The following IMPG1 variants were observed in gnomAD, a reference collection of about 807,000 sequenced individuals.
The protein encoded by IMPG1 is interphotoreceptor matrix proteoglycan of 150 kDa.
In IMPG1, 85 loss-of-function variants were observed where a neutral mutation model predicts 92.0. The observed-to-expected ratio is 0.92, with a 90% CI of 0.78 to 1.11. IMPG1 has a LOEUF of 1.11. Among genes scored for constraint, IMPG1 ranks in the 50% least tolerant of loss-of-function variants. The pLI is 0.00. For missense variants in IMPG1, 1,022 were observed against 956.0 expected, an observed-to-expected ratio of 1.07 and a Z score of -0.91; for synonymous variants, 367 against 334.1, an observed-to-expected ratio of 1.10 and a Z score of -1.08.
chr6:75,975,235 T>G (rs867469116), intron 12 of IMPG1, among the ~76,000 whole-genome samples: 1 of 152,246 alleles, frequency 6.6e-6, no homozygotes, highest in East Asian at 1.9e-4. Context: ...CACTGGCATG[T>G]GCCAGGCTTC....
At chr6:76,022,246 A>T (rs1168700480) in intron 5 of IMPG1, 27 bp from the exon 6 acceptor site, 1 of 1,328,736 alleles carries the variant, frequency 7.5e-7, no homozygotes, top group African/African-American at 1.5e-5. Flanking sequence ...AATTAAAGAC[A>T]CAAAAATGAG....
intron 12 of IMPG1, among the ~76,000 whole-genome samples, chr6:75,979,624 GGA>G (rs1782596078): frequency 6.6e-6 from 1 of 152,166 alleles, no homozygotes; most frequent in African/African-American, 2.4e-5. Flanking sequence ...GTTTGGTTAG[GGA>G]GAGTCCAGAA....
chr6:76,071,613 T>C (rs1784404264), intron 1 of IMPG1, among the ~76,000 whole-genome samples: 1 of 152,014 alleles, frequency 6.6e-6, no homozygotes, highest in East Asian at 1.9e-4. Context: ...TTTTCATGGA[T>C]ATTCCAAACC....
intron 14 of IMPG1, among the ~76,000 whole-genome samples, chr6:75,936,683 G>A (rs182541459): frequency 2.8e-4 from 43 of 152,308 alleles, no homozygotes; most frequent in African/African-American, 9.1e-4. Flanking sequence ...TGCCCTGGAT[G>A]TGAGGTTGAA....
chr6:76,051,829 G>T (rs1784048238), intron 1 of IMPG1, among the ~76,000 whole-genome samples: 1 of 151,910 alleles, frequency 6.6e-6, no homozygotes, highest in African/African-American at 2.4e-5. Context: ...TTCTCTTCTT[G>T]CAAAAATCAG....
intron 5 of IMPG1, among the ~76,000 whole-genome samples, chr6:76,023,963 T>C (rs1157687370): frequency 1.3e-5 from 2 of 152,160 alleles, no homozygotes; most frequent in African/African-American, 2.4e-5. Context: ...GTTTATATGC[T>C]CCTCCTCTAA....
At chr6:75,998,889 C>T (rs1041085095) in intron 12 of IMPG1, among the ~76,000 whole-genome samples, 12 of 152,202 alleles carry the variant, frequency 7.9e-5, no homozygotes, top group African/African-American at 2.9e-4. Context: ...TGGAGTCTTG[C>T]TCTGTCACCC....
chr6:76,069,145 G>C (rs763413983), intron 1 of IMPG1, among the ~76,000 whole-genome samples: 19 of 152,042 alleles, frequency 1.2e-4, no homozygotes, highest in Non-Finnish European at 2.1e-4. Flanking sequence ...TTCAATAAAT[G>C]GTACTGGGAA....
At chr6:76,054,812 A>G (rs1784093927) in intron 1 of IMPG1, among the ~76,000 whole-genome samples, 1 of 151,724 alleles carries the variant, frequency 6.6e-6, no homozygotes, top group Non-Finnish European at 1.5e-5. Flanking sequence ...ACCAGTGGAC[A>G]AAGTTCATTA....
chr6:76,048,234 C>G (rs1233633818), intron 1 of IMPG1, among the ~76,000 whole-genome samples: 1 of 152,178 alleles, frequency 6.6e-6, no homozygotes, highest in Non-Finnish European at 1.5e-5. Flanking sequence ...CATTAGAACA[C>G]ACTTTAAATT....
At chr6:76,040,103 T>G (rs1783808860) in intron 2 of IMPG1, among the ~76,000 whole-genome samples, 1 of 152,166 alleles carries the variant, frequency 6.6e-6, no homozygotes, top group Non-Finnish European at 1.5e-5. Context: ...AAGAAACCCA[T>G]GCTGATGAAT....
chr6:76,014,694 T>A lies in IMPG1; in HGVS notation c.808-3470A>T, dbSNP rs201448250. Among the ~76,000 whole-genome samples the A allele has an allele frequency of 2.6e-5, 4 of 152,318 alleles. No individual in the cohort carries two copies. In the East Asian group the frequency reaches 5.8e-4, roughly 22 times the overall value. The stretch of plus-strand genomic sequence containing the variant: ...CTCCAGGATACCAGAGATGCTGTTA[T>A]ATACATGAAAACAGTCAATCGACCC... On this transcript the variant is annotated intron_variant, in intron 7 of 16. Transcript: ENST00000369950.
At chr6:76,060,428 C>T (rs1784187029) in intron 1 of IMPG1, among the ~76,000 whole-genome samples, 1 of 152,158 alleles carries the variant, frequency 6.6e-6, no homozygotes, top group Non-Finnish European at 1.5e-5. Flanking sequence ...AGCAGCATTT[C>T]CATATATGAA....
chr6:75,931,085 C>T lies in IMPG1; in HGVS notation c.2111G>A (p.Arg704Gln), dbSNP rs528749231. 1.0e-4 allele frequency: 165 copies of T among 1,614,176 alleles called. 1 individual carries two copies. Among genetic ancestry groups the T allele is most frequent in the South Asian group, 1.0e-3 (91 of 91,088 alleles). ...GCAGCGACACTCCGCTTCCTCAGTCCGTTCGTTCTTTACACATTGGGCAAA... is the reference window on the plus strand; with the variant it reads ...GCAGCGACACTCCGCTTCCTCAGTCTGTTCGTTCTTTACACATTGGGCAAA... ...GEFAQCVKNE[R>Q]TEEAECRCKP... The change falls in exon 15 of 17, where the codon CGG becomes CAG. Residue 704 changes from arginine (R) to glutamine (Q), a missense_variant. Arg to Gln is a conservative substitution (Grantham distance 43). Transcript: ENST00000369950.
intron 4 of IMPG1, among the ~76,000 whole-genome samples, chr6:76,026,335 G>C (rs1200977731): frequency 2.0e-5 from 3 of 152,242 alleles, no homozygotes; most frequent in African/African-American, 7.2e-5. Context: ...GAAGTGGTGA[G>C]TGAAATGGGG....
In IMPG1 at chr6:75,965,240, C is replaced by T. The variant is rs78604471; in HGVS notation, c.1292-14146G>A. On this transcript the variant is annotated intron_variant, in intron 12 of 16. Transcript: ENST00000369950. Reference sequence around the variant, plus strand: ...AGAATGAAATAGCTTGCATGGTAGCCGTATGTTAAATTTCTGGAGAAATTA... The same window carrying T: ...AGAATGAAATAGCTTGCATGGTAGCTGTATGTTAAATTTCTGGAGAAATTA... Among the ~76,000 whole-genome samples the T allele has an allele frequency of 1.4e-4, 22 of 152,066 alleles. No homozygotes were observed. The East Asian group carries it at 1.5e-3, about 11-fold the overall frequency.
chr6:75,927,660 C>T (rs1781579813), intron 15 of IMPG1, among the ~76,000 whole-genome samples: 1 of 151,966 alleles, frequency 6.6e-6, no homozygotes, highest in African/African-American at 2.4e-5. Flanking sequence ...TTGAAAAGGG[C>T]AAAATTGGGG....
At position 75,986,745 on chromosome 6, in the gene IMPG1, GA is replaced by G. The variant is rs146213880; in HGVS notation, c.1291+16172del. Among the ~76,000 whole-genome samples, 947 of 146,510 alleles carry G rather than the reference GA, an allele frequency of 6.5e-3. 34 individuals are homozygous for G. The East Asian group carries it at 0.099, about 15-fold the overall frequency. ...GAAAGCAGAATATGTTAACAATGAGGAAAAAAAAAATGAGACTCCCTAGGGG... is the reference window on the plus strand; with the variant it reads ...GAAAGCAGAATATGTTAACAATGAGGAAAAAAAAATGAGACTCCCTAGGGG... On this transcript the variant is annotated intron_variant, in intron 12 of 16. Transcript: ENST00000369950.
rs138431617 is a variant in IMPG1 at position 76,002,981 on chromosome 6, G to A, written c.1228C>T (p.Pro410Ser). Residue 410 changes from proline to serine, a missense_variant, in exon 12 of 17, where the codon CCA becomes TCA. Pro to Ser is a moderately conservative substitution (Grantham distance 74). This residue lies in a region of IMPG1 where 681 missense variants were observed against 583.6 expected (regional missense o/e 1.17). Transcript: ENST00000369950. ...AVITEDATLS[P>S]ELPPVEPQLE... ...TGGGGTTCAACAGGAGGAAGTTCTG[G>A]ACTCAAAGTAGCATCCTGAAGAATG... 6.2e-7 allele frequency: 1 copy of A among 1,613,248 alleles called. No individual in the cohort carries two copies. The highest frequency in any genetic ancestry group is 8.5e-7 in the Non-Finnish European group (1 of 1,179,358).
Sources: allele counts gnomAD v4.1 joint callset (sites outside exome capture counted in the v4.1 genomes callset), GRCh38; gene constraint gnomAD v4.1.1; regional missense constraint gnomAD v4.1.1; transcripts MANE v1.5; gene names NCBI Gene and HGNC (gene_info 2026-07-23, HGNC 2026-07-21).